PODXL: variants seen among roughly 807,000 people sequenced by gnomAD.
The protein encoded by PODXL is podocalyxin like.
PODXL carries 20 observed loss-of-function variants against 48.9 expected under a neutral mutation model. That is an observed-to-expected ratio of 0.41 (90% CI 0.29 to 0.59). The LOEUF is 0.59. Ranked by LOEUF, PODXL falls within the 20% of genes least tolerant of loss-of-function variation. PODXL has a pLI of 0.31. For synonymous variants in PODXL, 295 were observed against 287.4 expected, an observed-to-expected ratio of 1.03 and a Z score of -0.27; for missense variants, 606 against 675.1, an observed-to-expected ratio of 0.90 and a Z score of 1.13.
intron 1 of PODXL, among the ~76,000 whole-genome samples, chr7:131,537,820 G>A (rs1798403499): frequency 6.6e-6 from 1 of 152,124 alleles, no homozygotes; most frequent in African/African-American, 2.4e-5. Context: ...GCATCACACC[G>A]TCGTGACTCT....
In PODXL at chr7:131,510,993, G is replaced by A. The variant is rs758337217; in HGVS notation, c.541C>T (p.Pro181Ser). ...TSTKAEHLTT[P>S]HPTSPLSPRQ... ...GGGCTAAGTGGACTTGTAGGGTGAG[G>A]GGTCGTCAGATGTTCTGCCTTAGTG... Residue 181 changes from proline (P) to serine (S), a missense_variant, in exon 2 of 9, where the codon CCT (proline) becomes TCT (serine). By Grantham distance (74) the Pro-to-Ser change is moderately conservative. Transcript: ENST00000378555. The A allele has an allele frequency of 5.0e-6, 8 of 1,614,016 alleles. No individual in the cohort carries two copies. The South Asian group carries it at 7.7e-5, about 16-fold the overall frequency.
At chr7:131,539,682 G>T (rs1798443119) in intron 1 of PODXL, among the ~76,000 whole-genome samples, 2 of 152,222 alleles carry the variant, frequency 1.3e-5, no homozygotes, top group Admixed American at 1.3e-4. Context: ...TCCTTACTGA[G>T]GGCGGGGCTG....
At chr7:131,518,958 T>TC (rs760990773) in intron 1 of PODXL, among the ~76,000 whole-genome samples, 7 of 152,300 alleles carry the variant, frequency 4.6e-5, no homozygotes, top group Non-Finnish European at 1.0e-4. Context: ...TCCAGACCTA[T>TC]CCCTGTGGGT....
intron 1 of PODXL, among the ~76,000 whole-genome samples, chr7:131,513,574 C>G (rs1183036643): frequency 6.6e-6 from 1 of 152,216 alleles, no homozygotes; most frequent in Non-Finnish European, 1.5e-5. Context: ...TGCCAGCCTC[C>G]CCTGGGATGA....
intron 1 of PODXL, among the ~76,000 whole-genome samples, chr7:131,541,279 C>T (rs1189260222): frequency 6.6e-6 from 1 of 151,802 alleles, no homozygotes; most frequent in Non-Finnish European, 1.5e-5. Context: ...CCACAGAGCA[C>T]ACGATCCGAA....
At chr7:131,554,158 C>T (rs544248979) in intron 1 of PODXL, among the ~76,000 whole-genome samples, 1 of 152,208 alleles carries the variant, frequency 6.6e-6, no homozygotes, top group Non-Finnish European at 1.5e-5. Context: ...GCAGCCCAGG[C>T]GACCACACCT....
intron 5 of PODXL, among the ~76,000 whole-genome samples, chr7:131,508,338 A>C (rs1324419199): frequency 6.6e-6 from 1 of 152,220 alleles, no homozygotes; most frequent in African/African-American, 2.4e-5. Context: ...TTCGTCCATC[A>C]AGGCTCTCAG....
rs1232798381 is a variant in PODXL, at chr7:131,502,432, C to G, written c.*1879G>C. 1 of 152,286 alleles carries G rather than the reference C, an allele frequency of 6.6e-6. No individual in the cohort carries two copies. Among genetic ancestry groups the G allele is most frequent in the Admixed American group, 6.5e-5 (1 of 15,284 alleles). 9.4% of individuals were successfully genotyped at this position (152,286 alleles called of 1,614,324 possible). A position where few individuals can be genotyped will look rare whatever the true frequency, so the allele number is the denominator to read the frequency against. The stretch of plus-strand genomic sequence containing the variant: ...GTGAACCCCTGGCCTTCCTTTTCCC[C>G]TAGGATATCAGATGGCTACAGACTG... On this transcript the variant is annotated 3_prime_UTR_variant, in exon 9 of 9. Coordinates refer to ENST00000378555, the MANE Select transcript of PODXL (RefSeq NM_001018111.3).
Position 131,539,202 on chromosome 7 carries a change from G to GA in PODXL, c.100+17057dup, listed in dbSNP as rs1454027366. ...TCCAAGATGTGATGCAGCCTCCACAGAAAAAGTGAGCTCTGCAAATGGAGA... is the reference window on the plus strand; with the variant it reads ...TCCAAGATGTGATGCAGCCTCCACAGAAAAAAGTGAGCTCTGCAAATGGAGA... On this transcript the variant is annotated intron_variant, in intron 1 of 8. Coordinates refer to ENST00000378555, the MANE Select transcript of PODXL (RefSeq NM_001018111.3). Among the ~76,000 whole-genome samples, 7 of 150,976 alleles carry GA rather than the reference G, an allele frequency of 4.6e-5. No homozygotes were observed. In the East Asian group the frequency reaches 1.3e-3, roughly 29 times the overall value.
chr7:131,524,083 G>C (rs934592872), intron 1 of PODXL, among the ~76,000 whole-genome samples: 3 of 152,146 alleles, frequency 2.0e-5, no homozygotes, highest in African/African-American at 7.2e-5. Context: ...ACAGGCGTGA[G>C]CCACTGCACC....
chr7:131,523,885 G>A (rs912380037), intron 1 of PODXL, among the ~76,000 whole-genome samples: 11 of 149,826 alleles, frequency 7.3e-5, no homozygotes, highest in Admixed American at 2.7e-4. Context: ...CTCAACCTCC[G>A]CCTCCCGGGT....
chr7:131,506,028 AC>A lies in PODXL; in HGVS notation c.1318del (p.Val440SerfsTer4). On this transcript the variant is annotated frameshift_variant, in exon 8 of 9. Coordinates refer to ENST00000378555, the MANE Select transcript of PODXL (RefSeq NM_001018111.3). LOFTEE classifies it high-confidence loss of function. ...DKWDELKEAG[V>X]SDMKLGDQGP... ...CTGGTCCCCTAGCTTCATGTCACTG[AC>A]CCCTGCCTGCATGGGAAGTGGCAGA... 1.2e-6 allele frequency: 2 copies of A among 1,610,650 alleles called. No homozygotes were observed. Among genetic ancestry groups the A allele is most frequent in the Non-Finnish European group, 1.7e-6 (2 of 1,178,464 alleles).
intron 1 of PODXL, among the ~76,000 whole-genome samples, chr7:131,532,125 TC>T (rs67150443): frequency 6.2e-4 from 91 of 145,928 alleles, no homozygotes; most frequent in East Asian, 2.2e-3. Flanking sequence ...ATAATAATAA[TC>T]ATCATCATCA....
intron 1 of PODXL, among the ~76,000 whole-genome samples, chr7:131,523,797 A>C (rs1262621900): frequency 1.4e-5 from 2 of 142,586 alleles, no homozygotes; most frequent in Non-Finnish European, 3.0e-5. Flanking sequence ...ATCATCTAAC[A>C]AATTTTTTTT....
At position 131,509,406 on chromosome 7, in the gene PODXL, G is replaced by A; in HGVS notation, c.982C>T (p.Pro328Ser). The change falls in exon 4 of 9, where the codon CCC becomes TCC. Residue 328 changes from proline to serine, a missense_variant. Pro to Ser is a moderately conservative substitution (Grantham distance 74). Coordinates refer to ENST00000378555, the MANE Select transcript of PODXL (RefSeq NM_001018111.3). ...PTAASTTHRY[P>S]KTPSPTVAHE... ...GCCACAGTGGGAGAAGGTGTTTTGGGGTATCGGTGGGTAGTTGATGCTGCT... is the reference window on the plus strand; with the variant it reads ...GCCACAGTGGGAGAAGGTGTTTTGGAGTATCGGTGGGTAGTTGATGCTGCT... 1.2e-6 allele frequency: 2 copies of A among 1,614,118 alleles called. No homozygotes were observed. The highest frequency in any genetic ancestry group is 1.7e-6 in the Non-Finnish European group (2 of 1,180,014).
Position 131,541,456 on chromosome 7 carries a change from G to A in PODXL, c.100+14804C>T, listed in dbSNP as rs568173572. Among the ~76,000 whole-genome samples, 30 of 152,210 alleles carry A rather than the reference G, an allele frequency of 2.0e-4. No individual in the cohort carries two copies. The East Asian group carries it at 5.8e-3, about 29-fold the overall frequency. On this transcript the variant is annotated intron_variant, in intron 1 of 8. Coordinates refer to ENST00000378555, the MANE Select transcript of PODXL (RefSeq NM_001018111.3). ...TAATCCCAGCACTTTGGGAGGCCGA[G>A]GCGGGTGGATCACGAGGTCAGGAGT...
At chr7:131,536,791 A>AT (rs1438163966) in intron 1 of PODXL, among the ~76,000 whole-genome samples, 1 of 152,042 alleles carries the variant, frequency 6.6e-6, no homozygotes, top group Non-Finnish European at 1.5e-5. Flanking sequence ...TTTCCCTATC[A>AT]TTTTAAAAAA....
intron 1 of PODXL, among the ~76,000 whole-genome samples, chr7:131,523,835 G>A (rs557298777): frequency 1.4e-5 from 2 of 148,074 alleles, no homozygotes; most frequent in East Asian, 4.0e-4. Context: ...GTCTCACTCT[G>A]TTGCCCAGGC....
At chr7:131,556,224 G>T in intron 1 of PODXL, 36 bp downstream of exon 1, 1 of 1,443,572 alleles carries the variant, frequency 6.9e-7, no homozygotes, top group African/African-American at 1.5e-5. Flanking sequence ...CATGGGCACG[G>T]TGGGAGTCCC....
Sources: allele counts gnomAD v4.1 joint callset (sites outside exome capture counted in the v4.1 genomes callset), GRCh38; gene constraint gnomAD v4.1.1; transcripts MANE v1.5; gene names NCBI Gene and HGNC (gene_info 2026-07-23, HGNC 2026-07-21).